Variants in AMBRA1 observed in about 807,000 individuals in gnomAD.
AMBRA1 encodes the protein activating molecule in BECN1-regulated autophagy protein 1.
A neutral mutation model predicts 125.4 loss-of-function variants in AMBRA1; 47 were observed. The observed-to-expected ratio is 0.37, with a 90% CI of 0.30 to 0.48. AMBRA1 has a LOEUF of 0.48. Ranked by LOEUF, AMBRA1 falls within the 20% of genes least tolerant of loss-of-function variation. The pLI is 0.99. For synonymous variants in AMBRA1, 626 were observed against 655.5 expected, an observed-to-expected ratio of 0.95 and a Z score of 0.69; for missense variants, 1,331 against 1,693.4, an observed-to-expected ratio of 0.79 and a Z score of 3.76.
chr11:46,450,246 A>C (rs1049280275), intron 11 of AMBRA1, among the ~76,000 whole-genome samples: 1 of 152,210 alleles, frequency 6.6e-6, no homozygotes, highest in African/African-American at 2.4e-5. Context: ...GAAATGAGCT[A>C]TCAATCCACA....
intron 13 of AMBRA1, among the ~76,000 whole-genome samples, 170 bp downstream of exon 13, chr11:46,434,679 A>C (rs1018436422): frequency 6.6e-5 from 10 of 152,176 alleles, no homozygotes; most frequent in African/African-American, 1.2e-4. Context: ...ATGCTTCTGC[A>C]ATGTTACTAG....
chr11:46,573,292 C>T (rs2043831993), intron 1 of AMBRA1, among the ~76,000 whole-genome samples: 1 of 151,814 alleles, frequency 6.6e-6, no homozygotes, highest in Admixed American at 6.6e-5. Context: ...GTAATCCCAG[C>T]TACTCAGGAG....
intron 1 of AMBRA1, among the ~76,000 whole-genome samples, chr11:46,570,384 T>C (rs1029256295): frequency 6.6e-6 from 1 of 151,554 alleles, no homozygotes; most frequent in Non-Finnish European, 1.5e-5. Context: ...TACGAAATTA[T>C]ATCTTTTCAG....
At chr11:46,541,374 T>C (rs969282609) in intron 7 of AMBRA1, among the ~76,000 whole-genome samples, 2 of 152,138 alleles carry the variant, frequency 1.3e-5, no homozygotes, top group African/African-American at 2.4e-5. Flanking sequence ...CAAAAACAAG[T>C]ATCTCTGAAA....
intron 1 of AMBRA1, among the ~76,000 whole-genome samples, chr11:46,555,655 T>G (rs1320153996): frequency 3.9e-5 from 6 of 152,194 alleles, no homozygotes; most frequent in African/African-American, 1.4e-4. Flanking sequence ...AAGTAAAAAG[T>G]GCTCAGGGAG....
chr11:46,567,757 A>G (rs2043585931), intron 1 of AMBRA1, among the ~76,000 whole-genome samples: 2 of 152,306 alleles, frequency 1.3e-5, no homozygotes, highest in Admixed American at 6.5e-5. Flanking sequence ...AAGCAGACTC[A>G]GTACATAAGG....
intron 9 of AMBRA1, among the ~76,000 whole-genome samples, chr11:46,506,906 C>G (rs1439748859): frequency 6.6e-6 from 1 of 151,790 alleles, no homozygotes; most frequent in East Asian, 1.9e-4. Flanking sequence ...TTGCTCACAC[C>G]TATTATCCCA....
chr11:46,575,864 G>A lies in AMBRA1; in HGVS notation c.-121+17964C>T, dbSNP rs1256666255. Among the ~76,000 whole-genome samples, 4 of 152,132 alleles carry A rather than the reference G, an allele frequency of 2.6e-5. 1 individual carries two copies. Among genetic ancestry groups the A allele is most frequent in the Non-Finnish European group, 5.9e-5 (4 of 68,036 alleles). ...CAAACCAAAAATACATCTATGTCAT[G>A]TGCACCCTCACCTGAGCAATTTTAA... On this transcript the variant is annotated intron_variant, in intron 1 of 17. Coordinates refer to ENST00000683756, the MANE Select transcript of AMBRA1 (RefSeq NM_001387011.1).
At chr11:46,547,479 T>C in intron 3 of AMBRA1, 183 bp from the exon 4 acceptor site, 1 of 600,844 alleles carries the variant, frequency 1.7e-6, no homozygotes, top group Non-Finnish European at 2.8e-6. Context: ...GCTTTTGGCT[T>C]GTCCACACTG....
At chr11:46,508,774 G>A (rs1049921645) in intron 8 of AMBRA1, among the ~76,000 whole-genome samples, 1 of 152,188 alleles carries the variant, frequency 6.6e-6, no homozygotes, top group Non-Finnish European at 1.5e-5. Context: ...AAAGGGACCT[G>A]AGCAATTATC....
chr11:46,508,103 T>C (rs1951126701), intron 9 of AMBRA1, 88 bp downstream of exon 9: 5 of 1,357,012 alleles, frequency 3.7e-6, no homozygotes, highest in Middle Eastern at 4.7e-4. Flanking sequence ...AGCAAGAACA[T>C]CCACCATTGT....
intron 9 of AMBRA1, among the ~76,000 whole-genome samples, chr11:46,501,472 A>T (rs1950836902): frequency 6.6e-6 from 1 of 152,272 alleles, no homozygotes; most frequent in Admixed American, 6.5e-5. Context: ...GGGAATAAGC[A>T]GGTTGGAAAA....
chr11:46,420,096 G>A (rs1399187273), intron 14 of AMBRA1, among the ~76,000 whole-genome samples: 1 of 151,478 alleles, frequency 6.6e-6, no homozygotes, highest in Non-Finnish European at 1.5e-5. Context: ...CCTAGCTATG[G>A]TCCTGAGGTC....
rs115425595 is a variant in AMBRA1 at position 46,490,722 on chromosome 11, A to G, written c.2521+2886T>C. 4.0e-3 allele frequency among the ~76,000 whole-genome samples: 609 copies of G among 152,308 alleles called. 6 individuals carry two copies. Among genetic ancestry groups the G allele is most frequent in the African/African-American group, 0.014 (584 of 41,566 alleles). ...CATTCACCATGCAAAAGTTCCACTT[A>G]TGTCTGGAGTAAGACTGAGTCATGG... On this transcript the variant is annotated intron_variant, in intron 11 of 17. Coordinates refer to ENST00000683756, the MANE Select transcript of AMBRA1 (RefSeq NM_001387011.1).
chr11:46,588,973 T>C (rs1317171545), intron 1 of AMBRA1, among the ~76,000 whole-genome samples: 1 of 152,100 alleles, frequency 6.6e-6, no homozygotes. Context: ...GAAATTAACA[T>C]CTACTCTAAA....
intron 14 of AMBRA1, among the ~76,000 whole-genome samples, chr11:46,422,673 AT>A (rs1009933447): frequency 6.6e-5 from 10 of 151,830 alleles, no homozygotes; most frequent in African/African-American, 2.2e-4. Context: ...AGATGGTCGT[AT>A]TTTTTTTCCC....
At chr11:46,439,092 G>A (rs749496739) in intron 12 of AMBRA1, among the ~76,000 whole-genome samples, 1 of 151,922 alleles carries the variant, frequency 6.6e-6, no homozygotes, top group Non-Finnish European at 1.5e-5. Context: ...GCAACACAGC[G>A]AGATCTCATC....
chr11:46,397,410 C>T lies in AMBRA1; in HGVS notation c.*40G>A. 2.0e-6 allele frequency: 3 copies of T among 1,468,650 alleles called. No homozygotes were observed. Among genetic ancestry groups the T allele is most frequent in the Non-Finnish European group, 2.7e-6 (3 of 1,108,300 alleles). 91.0% of individuals were successfully genotyped at this position (1,468,650 alleles called of 1,614,324 possible). On this transcript the variant is annotated 3_prime_UTR_variant, in exon 18 of 18. Transcript: ENST00000683756. ...AGTCAGCTGTGAGGTCCGGTTTCTG[C>T]TTGGCGGTTCGAGGGGAGGCACCAG...
At chr11:46,500,090 C>G (rs910847016) in intron 9 of AMBRA1, among the ~76,000 whole-genome samples, 1 of 152,186 alleles carries the variant, frequency 6.6e-6, no homozygotes, top group Admixed American at 6.5e-5. Context: ...GGCTCAAGAT[C>G]AGATAATAAA....
Sources: gnomAD v4.1 joint callset for allele counts (sites outside exome capture counted in the v4.1 genomes callset) on GRCh38, gnomAD v4.1.1 for gene constraint, MANE v1.5 for transcripts, NCBI Gene and HGNC (gene_info 2026-07-23, HGNC 2026-07-21) for gene names.